Variants in AUTS2 observed in about 807,000 individuals in gnomAD.
AUTS2 encodes the protein activator of transcription and developmental regulator AUTS2.
In AUTS2, 17 loss-of-function variants were observed where a neutral mutation model predicts 112.4. That is an observed-to-expected ratio of 0.15 (90% CI 0.10 to 0.23). AUTS2 has a LOEUF of 0.23. Among genes scored for constraint, AUTS2 ranks in the 10% least tolerant of loss-of-function variants. The pLI, the probability that AUTS2 is intolerant of heterozygous loss-of-function variation, is 1.00. For missense variants in AUTS2, 1,510 were observed against 1,701.6 expected, an observed-to-expected ratio of 0.89 and a Z score of 1.98; for synonymous variants, 751 against 702.7, an observed-to-expected ratio of 1.07 and a Z score of -1.09.
rs56204810 is a variant in AUTS2, at chr7:69,623,381, A to ATTTTTT, written c.309+23439_309+23444dup. Among the ~76,000 whole-genome samples, 244 of 71,908 alleles carry ATTTTTT rather than the reference A, an allele frequency of 3.4e-3. 10 individuals carry two copies. Among genetic ancestry groups the ATTTTTT allele is most frequent in the East Asian group, 4.0e-3 (8 of 1,980 alleles). 47.2% of individuals were successfully genotyped at this position (71,908 alleles called of 152,430 possible). ...GGGACTACCACCACCACGCCCAGCA[A>ATTTTTT]TTTTTTTTTTTTTTTTTTTTTTTTT... On this transcript the variant is annotated intron_variant, in intron 1 of 18. Coordinates refer to ENST00000342771, the MANE Select transcript of AUTS2 (RefSeq NM_015570.4).
intron 4 of AUTS2, among the ~76,000 whole-genome samples, chr7:70,338,349 G>A (rs1791089388): frequency 6.6e-6 from 1 of 152,150 alleles, no homozygotes; most frequent in African/African-American, 2.4e-5. Flanking sequence ...ACATGTTGGA[G>A]GATTAACTAT....
At chr7:70,221,045 T>C (rs1312200411) in intron 4 of AUTS2, among the ~76,000 whole-genome samples, 1 of 152,178 alleles carries the variant, frequency 6.6e-6, no homozygotes, top group East Asian at 1.9e-4. Flanking sequence ...CAGGACCCTA[T>C]GTGTGTTTCA....
intron 4 of AUTS2, among the ~76,000 whole-genome samples, chr7:70,144,695 A>G (rs538327559): frequency 3.9e-5 from 6 of 152,252 alleles, no homozygotes; most frequent in Non-Finnish European, 8.8e-5. Flanking sequence ...AATCTGAGAC[A>G]TGACTCAAAA....
At chr7:69,791,770 A>G (rs1385624247) in intron 1 of AUTS2, among the ~76,000 whole-genome samples, 1 of 152,200 alleles carries the variant, frequency 6.6e-6, no homozygotes, top group African/African-American at 2.4e-5. Flanking sequence ...GGGAAATTCT[A>G]CAGTCCTGCA....
intron 1 of AUTS2, among the ~76,000 whole-genome samples, chr7:69,713,245 A>G (rs1468191699): frequency 2.6e-5 from 4 of 152,154 alleles, no homozygotes; most frequent in Admixed American, 2.6e-4. Flanking sequence ...CAACATTGAA[A>G]ATTCTCTGAT....
At chr7:70,723,040 T>C (rs1786790399) in intron 6 of AUTS2, among the ~76,000 whole-genome samples, 1 of 152,162 alleles carries the variant, frequency 6.6e-6, no homozygotes, top group African/African-American at 2.4e-5. Flanking sequence ...GTGTCAGAAT[T>C]AGAAGAAGGA....
chr7:69,643,065 T>C (rs994405268), intron 1 of AUTS2, among the ~76,000 whole-genome samples: 7 of 152,128 alleles, frequency 4.6e-5, no homozygotes, highest in Admixed American at 3.3e-4. Context: ...GTGGAACTTA[T>C]TTCCTTGCAG....
At chr7:70,093,026 T>C (rs1173236574) in intron 2 of AUTS2, among the ~76,000 whole-genome samples, 1 of 152,192 alleles carries the variant, frequency 6.6e-6, no homozygotes, top group Non-Finnish European at 1.5e-5. Flanking sequence ...ACAGAGTCTT[T>C]GCTGCTACGT....
intron 1 of AUTS2, among the ~76,000 whole-genome samples, chr7:69,832,664 G>T (rs1420863776): frequency 6.6e-6 from 1 of 152,194 alleles, no homozygotes; most frequent in Non-Finnish European, 1.5e-5. Flanking sequence ...CAGGCTAAGA[G>T]AATAATTACA....
intron 6 of AUTS2, among the ~76,000 whole-genome samples, chr7:70,755,804 TTAACAA>T (rs1393288199): frequency 2.0e-5 from 3 of 152,168 alleles, no homozygotes. Flanking sequence ...TTTTTTTACT[TTAACAA>T]TAATAATACT....
At chr7:70,044,660 C>G (rs1356327089) in intron 2 of AUTS2, among the ~76,000 whole-genome samples, 1 of 152,124 alleles carries the variant, frequency 6.6e-6, no homozygotes, top group Non-Finnish European at 1.5e-5. Flanking sequence ...AAACAAATGC[C>G]TTTGCTATCC....
chr7:69,874,473 G>A (rs1793639188), intron 1 of AUTS2, among the ~76,000 whole-genome samples: 1 of 152,288 alleles, frequency 6.6e-6, no homozygotes, highest in South Asian at 2.1e-4. Context: ...CTTTGGAGAT[G>A]TCACAATCCT....
At chr7:70,002,475 T>C (rs952148301) in intron 2 of AUTS2, among the ~76,000 whole-genome samples, 12 of 152,144 alleles carry the variant, frequency 7.9e-5, no homozygotes, top group Admixed American at 3.9e-4. Flanking sequence ...CAATTTTAAA[T>C]GGTACCAAAA....
intron 5 of AUTS2, among the ~76,000 whole-genome samples, chr7:70,632,912 C>T (rs1205462104): frequency 6.6e-6 from 1 of 152,078 alleles, no homozygotes; most frequent in Admixed American, 6.5e-5. Flanking sequence ...AGGTTCCCAC[C>T]AGCCAGGCCA....
intron 2 of AUTS2, among the ~76,000 whole-genome samples, chr7:69,965,956 A>G (rs929278495): frequency 3.9e-5 from 6 of 152,176 alleles, no homozygotes; most frequent in South Asian, 2.1e-4. Context: ...TGCTTCTTCA[A>G]AATTATTACA....
Position 70,079,735 on chromosome 7 carries a change from G to C in AUTS2, c.523-38397G>C, listed in dbSNP as rs115818113. 2.9e-3 allele frequency among the ~76,000 whole-genome samples: 446 copies of C among 152,168 alleles called. 5 individuals carry two copies. The highest frequency in any genetic ancestry group is 0.01 in the African/African-American group (432 of 41,518). On this transcript the variant is annotated intron_variant, in intron 2 of 18. Coordinates refer to ENST00000342771, the MANE Select transcript of AUTS2 (RefSeq NM_015570.4). ...CATCACTTTAGTAGCCATGGTGGAA[G>C]TATTTACACCACAGAAATTGGTAAA...
intron 6 of AUTS2, among the ~76,000 whole-genome samples, chr7:70,743,848 C>G (rs1405313318): frequency 6.6e-6 from 1 of 152,170 alleles, no homozygotes; most frequent in Admixed American, 6.5e-5. Flanking sequence ...GCCCTCATGA[C>G]CCATTGGCCA....
At chr7:69,894,278 T>TTTAA (rs1491190658) in intron 1 of AUTS2, among the ~76,000 whole-genome samples, 3 of 118,246 alleles carry the variant, frequency 2.5e-5, no homozygotes, top group Non-Finnish European at 5.7e-5. Flanking sequence ...TTTTTTTTTT[T>TTTAA]AACAGATTTC....
chr7:70,508,571 T>TC (rs1050034191), intron 5 of AUTS2, among the ~76,000 whole-genome samples: 1 of 152,088 alleles, frequency 6.6e-6, no homozygotes, highest in African/African-American at 2.4e-5. Context: ...GTCCTGAATC[T>TC]CCAACTCCAA....
Sources: gnomAD v4.1 joint callset for allele counts (sites outside exome capture counted in the v4.1 genomes callset) on GRCh38, gnomAD v4.1.1 for gene constraint, MANE v1.5 for transcripts, NCBI Gene and HGNC (gene_info 2026-07-23, HGNC 2026-07-21) for gene names.